Variants in OLFML2A observed in about 807,000 individuals in gnomAD.
OLFML2A encodes olfactomedin-like protein 2A.
A neutral mutation model predicts 60.9 loss-of-function variants in OLFML2A; 47 were observed. The observed-to-expected ratio is 0.77, with a 90% confidence interval of 0.61 to 0.98. The LOEUF is 0.98. Among genes scored for constraint, OLFML2A ranks in the 50% least tolerant of loss-of-function variants. OLFML2A has a pLI of 0.00. For missense variants in OLFML2A, 922 were observed against 879.8 expected, an observed-to-expected ratio of 1.05 and a Z score of -0.61; for synonymous variants, 372 against 375.0, an observed-to-expected ratio of 0.99 and a Z score of 0.09.
chr9:124,791,110 C>T (rs1404199934), intron 2 of OLFML2A, among the ~76,000 whole-genome samples: 2 of 152,190 alleles, frequency 1.3e-5, no homozygotes, highest in Non-Finnish European at 2.9e-5. Context: ...AGTTGCTGAC[C>T]CCAGTAATGG....
Position 124,783,376 on chromosome 9 carries a change from G to A in OLFML2A, c.91-3599G>A, listed in dbSNP as rs1239968361. 7.2e-5 allele frequency among the ~76,000 whole-genome samples: 11 copies of A among 152,168 alleles called. No individual in the cohort carries two copies. In the East Asian group the frequency reaches 2.1e-3, roughly 29 times the overall value. On this transcript the variant is annotated intron_variant, in intron 1 of 7. Transcript: ENST00000373580. ...AGTCCCAGTTACTTGGGAGGCTGAG[G>A]TGGGAGGATCGCCTGATCCCAGGAG... is the stretch of plus-strand genomic sequence containing the variant.
chr9:124,792,282 T>C (rs1841583173), intron 2 of OLFML2A, among the ~76,000 whole-genome samples: 1 of 152,146 alleles, frequency 6.6e-6, no homozygotes, highest in African/African-American at 2.4e-5. Flanking sequence ...AGTGTGTCAC[T>C]GCCTCTGTCC....
rs765680857 is a variant in OLFML2A, at chr9:124,809,907, ACAT to A, written c.1460_1462del (p.Ile487del). ...TACTACAACCGCGCCTTCACCAAGA[ACAT>A]CATCAAGTACGACCTACGGCAGCGC... On this transcript the variant is annotated inframe_deletion, in exon 8 of 8. Transcript: ENST00000373580. 4 of 1,614,220 alleles carry A rather than the reference ACAT, an allele frequency of 2.5e-6. No individual in the cohort carries two copies. Among genetic ancestry groups the A allele is most frequent in the Non-Finnish European group, 3.4e-6 (4 of 1,180,024 alleles).
intron 1 of OLFML2A, among the ~76,000 whole-genome samples, chr9:124,783,065 T>C (rs1006578280): frequency 1.3e-5 from 2 of 151,284 alleles, no homozygotes; most frequent in African/African-American, 4.9e-5. Flanking sequence ...CAGAGAAGAA[T>C]TGGCCCAGAG....
At chr9:124,784,951 T>G (rs1307074228) in intron 1 of OLFML2A, among the ~76,000 whole-genome samples, 2 of 105,888 alleles carry the variant, frequency 1.9e-5, no homozygotes, top group Admixed American at 9.4e-5. Flanking sequence ...TTGTTTTTTT[T>G]TTTTTTTTTT....
rs776788622 is a variant in OLFML2A, at chr9:124,812,797, T to C, written c.*2385T>C. 1 of 152,096 alleles carries C rather than the reference T, an allele frequency of 6.6e-6. No homozygotes were observed. The highest frequency in any genetic ancestry group is 1.5e-5 in the Non-Finnish European group (1 of 68,020). 9.4% of individuals were successfully genotyped at this position (152,096 alleles called of 1,614,324 possible). A position where few individuals can be genotyped will look rare whatever the true frequency, so the allele number is the denominator to read the frequency against. ...AATCTGAAAAAAAGGAAAGTGAGAA[T>C]AGGCTGATTTTTAAAAGTTAAGGGG... On this transcript the variant is annotated 3_prime_UTR_variant, in exon 8 of 8. Transcript: ENST00000373580.
intron 2 of OLFML2A, 50 bp from the exon 3 acceptor site, chr9:124,794,974 G>A (rs1271788619): frequency 3.5e-6 from 4 of 1,128,494 alleles, no homozygotes; most frequent in South Asian, 1.3e-5. Context: ...TCTGTGTCTG[G>A]CCGGCCATGT....
In OLFML2A at chr9:124,793,978, G is replaced by A. The variant is rs963744815; in HGVS notation, c.355-1046G>A. Among the ~76,000 whole-genome samples, 7 of 152,146 alleles carry A rather than the reference G, an allele frequency of 4.6e-5. No homozygotes were observed. The South Asian group carries it at 1.4e-3, about 32-fold the overall frequency. On this transcript the variant is annotated intron_variant, in intron 2 of 7. Coordinates refer to ENST00000373580, the MANE Select transcript of OLFML2A (RefSeq NM_182487.4). Reference sequence around the variant, plus strand: ...TGCTTGAGCTCAGTAGTTCGAGGCTGCAGTGAGCTAGGATCATGCCACTGC... The same window carrying A: ...TGCTTGAGCTCAGTAGTTCGAGGCTACAGTGAGCTAGGATCATGCCACTGC...
chr9:124,786,786 AC>A (rs1413844317), intron 1 of OLFML2A, among the ~76,000 whole-genome samples, 188 bp from the exon 2 acceptor site: 1 of 150,866 alleles, frequency 6.6e-6, no homozygotes, highest in African/African-American at 2.4e-5. Context: ...ACACACACAC[AC>A]ACACACACAC....
chr9:124,785,174 G>A (rs934001831), intron 1 of OLFML2A, among the ~76,000 whole-genome samples: 5 of 151,152 alleles, frequency 3.3e-5, no homozygotes, highest in Admixed American at 6.6e-5. Flanking sequence ...GGCTGGTCTC[G>A]AACTCCCGAC....
At chr9:124,801,137 A>T in intron 4 of OLFML2A, 1 of 1,342,940 alleles carries the variant, frequency 7.4e-7, no homozygotes, top group Non-Finnish European at 1.0e-6. Flanking sequence ...CCCCAGGGGG[A>T]TTGGACAGGA....
intron 2 of OLFML2A, among the ~76,000 whole-genome samples, chr9:124,793,984 A>G (rs1841615865): frequency 6.6e-6 from 1 of 152,202 alleles, no homozygotes; most frequent in African/African-American, 2.4e-5. Flanking sequence ...GGCTGCAGTG[A>G]GCTAGGATCA....
chr9:124,791,150 C>T (rs1057195065), intron 2 of OLFML2A, among the ~76,000 whole-genome samples: 1 of 152,176 alleles, frequency 6.6e-6, no homozygotes, highest in African/African-American at 2.4e-5. Context: ...GGCCAAGGGA[C>T]ATCCCAGGGA....
intron 1 of OLFML2A, among the ~76,000 whole-genome samples, chr9:124,784,878 C>A (rs1841427726): frequency 1.4e-5 from 2 of 148,134 alleles, no homozygotes; most frequent in African/African-American, 5.0e-5. Context: ...GCTTCTCTCA[C>A]TTAACATAAT....
rs1338527443 is a variant in OLFML2A at position 124,807,798 on chromosome 9, G to A, written c.1186G>A (p.Glu396Lys). The A allele has an allele frequency of 1.7e-5, 27 of 1,612,432 alleles. No homozygotes were observed. The highest frequency in any genetic ancestry group is 2.1e-5 in the Non-Finnish European group (25 of 1,179,568). Reference sequence around the variant, plus strand: ...CCCCACAGGCAGAGAGGCGAGCTGTGAGGGCACCCTCCGGGCTGTGGACCC... The same window carrying A: ...CCCCACAGGCAGAGAGGCGAGCTGTAAGGGCACCCTCCGGGCTGTGGACCC... ...VSSQGREASC[E>K]GTLRAVDPPV... is the part of the protein sequence containing the mutation. The change falls in exon 7 of 8, where the codon GAG (glutamate) becomes AAG (lysine). Residue 396 changes from glutamate (E) to lysine (K), a missense_variant. By Grantham distance (56) the Glu-to-Lys change is moderately conservative. Coordinates refer to ENST00000373580, the MANE Select transcript of OLFML2A (RefSeq NM_182487.4).
chr9:124,783,772 G>A (rs1255380478), intron 1 of OLFML2A, among the ~76,000 whole-genome samples: 1 of 152,186 alleles, frequency 6.6e-6, no homozygotes, highest in Non-Finnish European at 1.5e-5. Context: ...GACATAGCAG[G>A]AAACTAGACA....
At chr9:124,801,175 T>C in intron 4 of OLFML2A, 2 of 1,080,506 alleles carry the variant, frequency 1.9e-6, no homozygotes, top group Non-Finnish European at 2.7e-6. Context: ...GAATCTAACC[T>C]ATCAGGTTGG....
intron 1 of OLFML2A, among the ~76,000 whole-genome samples, chr9:124,780,515 G>A (rs574516235): frequency 4.6e-5 from 7 of 152,210 alleles, no homozygotes; most frequent in African/African-American, 1.7e-4. Flanking sequence ...GGCTAGTCCC[G>A]GGGGTTTAGG....
In OLFML2A at chr9:124,786,829, C is replaced by T; in HGVS notation, c.91-146C>T. 7.2e-6 allele frequency: 5 copies of T among 697,940 alleles called. No homozygotes were observed. The South Asian group carries it at 8.6e-5, about 12-fold the overall frequency. 43.2% of individuals were successfully genotyped at this position (697,940 alleles called of 1,614,324 possible). ...GTTATTATTATTAAAAGGGCTTCAC[C>T]ACCTCTAATTGCACCCCCTCCTACC... is the stretch of plus-strand genomic sequence containing the variant. On this transcript the variant is annotated intron_variant, in intron 1 of 7. Coordinates refer to ENST00000373580, the MANE Select transcript of OLFML2A (RefSeq NM_182487.4).
Sources: allele counts gnomAD v4.1 joint callset (sites outside exome capture counted in the v4.1 genomes callset), GRCh38; gene constraint gnomAD v4.1.1; transcripts MANE v1.5; gene names NCBI Gene and HGNC (gene_info 2026-07-23, HGNC 2026-07-21).